GSN: variants seen among roughly 807,000 people sequenced by gnomAD.
GSN encodes the protein actin-depolymerizing factor.
A neutral mutation model predicts 85.7 loss-of-function variants in GSN; 56 were observed. That is an observed-to-expected ratio of 0.65 (90% confidence interval 0.53 to 0.82). The LOEUF (loss-of-function observed/expected upper bound fraction) is 0.82, where lower values mean the gene tolerates loss of function less well. Ranked by LOEUF, GSN falls within the 40% of genes least tolerant of loss-of-function variation. The pLI is 0.00. For missense variants in GSN, 857 were observed against 979.8 expected (o/e 0.87, Z 1.67); for synonymous variants, 373 against 399.1 (o/e 0.93, Z 0.78).
chr9:121,310,984 G>A, intron 5 of GSN, 139 bp downstream of exon 5: 2 of 753,950 alleles, frequency 2.7e-6, no homozygotes, highest in Non-Finnish European at 2.3e-6. Context: ...GTACAGATAT[G>A]TCTGTATGCA....
upstream of GSN, among the ~76,000 whole-genome samples, chr9:121,264,723 G>A (rs867560128): frequency 6.6e-6 from 1 of 152,078 alleles, no homozygotes; most frequent in African/African-American, 2.4e-5. Context: ...AATCCAAGCC[G>A]TTGTCTCTGC....
chr9:121,282,273 C>T, intron 2 of GSN: 1 of 597,854 alleles, frequency 1.7e-6, no homozygotes, highest in Non-Finnish European at 3.0e-6. Flanking sequence ...ACCCAACGAG[C>T]TTGTAGATGC....
chr9:121,231,511 C>G (rs2054386400), intron 5 of GSN, among the ~76,000 whole-genome samples: 2 of 152,028 alleles, frequency 1.3e-5, no homozygotes, highest in African/African-American at 4.8e-5. Flanking sequence ...CCCTTTGAAG[C>G]TGTAATTAAC....
At chr9:121,207,818 G>C (rs1345737054) in exon 1 of GSN, 1 of 150,444 alleles carries the variant, frequency 6.6e-6, no homozygotes, top group Non-Finnish European at 1.5e-5. Flanking sequence ...GCAATGGCAC[G>C]ATATCAGCTC....
At chr9:121,246,089 T>A (rs1441344146) in intron 5 of GSN, among the ~76,000 whole-genome samples, 1 of 152,284 alleles carries the variant, frequency 6.6e-6, no homozygotes, top group East Asian at 1.9e-4. Context: ...AAATAATATA[T>A]CTAAGATTTG....
At position 121,329,271 on chromosome 9, in the gene GSN, G is replaced by T; in HGVS notation, c.1921G>T (p.Asp641Tyr). The T allele has an allele frequency of 6.2e-7, 1 of 1,612,710 alleles. No homozygotes were observed. Among genetic ancestry groups the T allele is most frequent in the Non-Finnish European group, 8.5e-7 (1 of 1,178,732 alleles). ...EEVPGELMQE[D>Y]LATDDVMLLD... ...GGTTCCTGGTGAGCTCATGCAGGAA[G>T]ACCTGGCAACGGATGACGTCATGCT... Residue 641 changes from aspartate (D) to tyrosine (Y), a missense_variant, in exon 16 of 18, where the codon GAC becomes TAC. Physicochemically the swap from Asp to Tyr is radical, Grantham distance 160. Coordinates refer to ENST00000432226, the MANE Select transcript of GSN (RefSeq NM_198252.3). This position sits in a 1 kb window ranked among gnomAD's most constrained non-coding sequence, Gnocchi z 4.6.
At chr9:121,238,924 C>G (rs2054548955) in intron 5 of GSN, 1 of 537,112 alleles carries the variant, frequency 1.9e-6, no homozygotes, top group Non-Finnish European at 3.8e-6. Context: ...CCTGGTCATC[C>G]CTTCTCCAAT....
intron 16 of GSN, among the ~76,000 whole-genome samples, chr9:121,330,892 T>C (rs1445250844): frequency 6.6e-6 from 1 of 152,180 alleles, no homozygotes; most frequent in Non-Finnish European, 1.5e-5. Context: ...AACGAGTGAA[T>C]GCTGTTCAAG....
Position 121,332,430 on chromosome 9 carries a change from G to T in GSN, c.2027-4G>T, listed in dbSNP as rs767198984. The stretch of plus-strand genomic sequence containing the variant: ...GTTTCCTTTTCTTGCACGTGTGTCT[G>T]CAGCTAAGCGGTACATCGAGACGGA... On this transcript the variant is annotated splice_region_variant and splice_polypyrimidine_tract_variant and intron_variant, in intron 17 of 17. Coordinates refer to ENST00000432226, the MANE Select transcript of GSN (RefSeq NM_198252.3). This position sits in a 1 kb window ranked among gnomAD's most constrained non-coding sequence, Gnocchi z 4.8. 2.5e-6 allele frequency: 4 copies of T among 1,613,752 alleles called. No homozygotes were observed. The African/African-American group carries it at 4.0e-5, about 16-fold the overall frequency.
intron 5 of GSN, among the ~76,000 whole-genome samples, chr9:121,240,842 GT>G (rs2054589713): frequency 6.6e-6 from 1 of 152,210 alleles, no homozygotes. Context: ...GTTTCTAAAT[GT>G]TATGGCACTT....
At chr9:121,217,905 T>A (rs1176906641) in intron 4 of GSN, among the ~76,000 whole-genome samples, 1 of 151,466 alleles carries the variant, frequency 6.6e-6, no homozygotes, top group Admixed American at 6.6e-5. Context: ...TGCTACCAGG[T>A]CTGTTTCAAG....
intron 5 of GSN, among the ~76,000 whole-genome samples, chr9:121,240,737 C>T (rs1369520339): frequency 6.6e-6 from 1 of 152,090 alleles, no homozygotes; most frequent in African/African-American, 2.4e-5. Flanking sequence ...GGGGCGGCCA[C>T]TAAAGATGGG....
At chr9:121,304,065 G>A (rs1262707623) in intron 4 of GSN, among the ~76,000 whole-genome samples, 1 of 152,224 alleles carries the variant, frequency 6.6e-6, no homozygotes, top group Non-Finnish European at 1.5e-5. Context: ...TCCTAGGGTA[G>A]GGTCCAAGCC....
At chr9:121,289,217 C>A (rs938894777) in intron 2 of GSN, among the ~76,000 whole-genome samples, 1 of 151,454 alleles carries the variant, frequency 6.6e-6, no homozygotes, top group Non-Finnish European at 1.5e-5. Flanking sequence ...TCTTTGGATG[C>A]CAAAGAGTGG....
intron 4 of GSN, among the ~76,000 whole-genome samples, chr9:121,306,931 A>G (rs984710233): frequency 3.3e-5 from 5 of 152,230 alleles, no homozygotes; most frequent in Non-Finnish European, 7.3e-5. Context: ...TTGTAATCCC[A>G]ACACTTTGGG....
chr9:121,326,700 G>C lies in GSN; in HGVS notation c.1587+18G>C. The C allele has an allele frequency of 6.2e-7, 1 of 1,606,258 alleles. No homozygotes were observed. The highest frequency in any genetic ancestry group is 1.1e-5 in the South Asian group (1 of 90,518). On this transcript the variant is annotated intron_variant, in intron 13 of 17. Coordinates refer to ENST00000432226, the MANE Select transcript of GSN (RefSeq NM_198252.3). ...CTGTTGAGGTAATTTCCAGGTCCTG[G>C]AACACAGAAGGGATTGGCCTCCCTG...
intron 4 of GSN, among the ~76,000 whole-genome samples, chr9:121,304,678 C>T (rs138461911): frequency 6.6e-6 from 1 of 152,324 alleles, no homozygotes; most frequent in East Asian, 1.9e-4. Flanking sequence ...AGATATGGTA[C>T]TGGGAATGTA....
chr9:121,299,780 G>A lies in GSN; in HGVS notation c.-9-2183G>A, dbSNP rs1400377190. 2 of 1,225,532 alleles carry A rather than the reference G, an allele frequency of 1.6e-6. No individual in the cohort carries two copies. Among genetic ancestry groups the A allele is most frequent in the East Asian group, 4.1e-5 (1 of 24,676 alleles). 75.9% of individuals were successfully genotyped at this position (1,225,532 alleles called of 1,614,324 possible). A position where few individuals can be genotyped will look rare whatever the true frequency, so the allele number is the denominator to read the frequency against. The stretch of plus-strand genomic sequence containing the variant: ...CTCCCTGGGGGGCGGTCCCCGGCTT[G>A]GGCGGGATGGGCGGGCGGCTACTTA... On this transcript the variant is annotated intron_variant, in intron 2 of 17. Transcript: ENST00000432226. The surrounding 1 kb of genome is among the most constrained non-coding windows in gnomAD (Gnocchi z 4.2).
At chr9:121,248,999 TG>T (rs950453646) in intron 6 of GSN, among the ~76,000 whole-genome samples, 1 of 152,096 alleles carries the variant, frequency 6.6e-6, no homozygotes, top group African/African-American at 2.4e-5. Flanking sequence ...GAGATGAGAT[TG>T]GGGGCACTGA....
Sources: allele counts gnomAD v4.1 joint callset (sites outside exome capture counted in the v4.1 genomes callset), GRCh38; gene constraint gnomAD v4.1.1; non-coding constraint Gnocchi (gnomAD v3.1); transcripts MANE v1.5; gene names NCBI Gene and HGNC (gene_info 2026-07-23, HGNC 2026-07-21).